ZNF407: variants seen among roughly 807,000 people sequenced by gnomAD.
ZNF407 encodes the protein zinc finger protein 407.
In ZNF407, 17 loss-of-function variants were observed where a neutral mutation model predicts 131.2. The ratio of observed to expected loss-of-function variants is 0.13; its 90% CI spans 0.09 to 0.19. The LOEUF (loss-of-function observed/expected upper bound fraction) is 0.19, where lower values mean the gene tolerates loss of function less well. ZNF407 is among the 10% of genes least tolerant of loss of function. The probability of loss-of-function intolerance (pLI) is 1.00; values close to 1 mark genes in which losing one functional copy is unlikely to be tolerated. For synonymous variants in ZNF407, 1,156 were observed against 1,062.0 expected, an observed-to-expected ratio of 1.09 and a Z score of -1.72; for missense variants, 2,681 against 2,830.6, an observed-to-expected ratio of 0.95 and a Z score of 1.20.
chr18:74,691,967 A>T (rs1967233888), intron 3 of ZNF407, among the ~76,000 whole-genome samples: 2 of 151,962 alleles, frequency 1.3e-5, no homozygotes, highest in African/African-American at 2.4e-5. Context: ...GGTGGTGCAT[A>T]CCTGCTGTCC....
At chr18:74,822,320 T>G (rs1003487886) in intron 4 of ZNF407, among the ~76,000 whole-genome samples, 1 of 152,226 alleles carries the variant, frequency 6.6e-6, no homozygotes, top group Non-Finnish European at 1.5e-5. Context: ...TTTTGGTGTT[T>G]TAGACATAAG....
At chr18:74,905,069 C>T (rs569860202) in intron 7 of ZNF407, among the ~76,000 whole-genome samples, 1 of 152,144 alleles carries the variant, frequency 6.6e-6, no homozygotes, top group African/African-American at 2.4e-5. Context: ...TGTTACTGCT[C>T]TTAACATACA....
chr18:75,062,924 C>T (rs922145796), intron 8 of ZNF407: 2 of 446,068 alleles, frequency 4.5e-6, no homozygotes, highest in African/African-American at 2.0e-5. Flanking sequence ...TGGGGAAATG[C>T]ACACCCAGTA....
At chr18:75,036,473 G>T (rs913828760) in intron 8 of ZNF407, among the ~76,000 whole-genome samples, 5 of 152,210 alleles carry the variant, frequency 3.3e-5, no homozygotes, top group African/African-American at 1.2e-4. Flanking sequence ...CACCCAAGAT[G>T]AGGAAAATGA....
chr18:74,839,673 G>A (rs892988946), intron 4 of ZNF407, among the ~76,000 whole-genome samples: 1 of 152,150 alleles, frequency 6.6e-6, no homozygotes, highest in Non-Finnish European at 1.5e-5. Flanking sequence ...AGAATCCATT[G>A]AAAATGCATT....
At chr18:75,005,700 C>A (rs1266510656) in intron 8 of ZNF407, among the ~76,000 whole-genome samples, 2 of 80,286 alleles carry the variant, frequency 2.5e-5, no homozygotes, top group African/African-American at 5.3e-5. Flanking sequence ...ATCCCCGCCA[C>A]CCCCCCCACC....
In ZNF407 at chr18:74,807,443, G is replaced by A. The variant is rs1354809908; in HGVS notation, c.4877+25941G>A. 2.0e-5 allele frequency among the ~76,000 whole-genome samples: 3 copies of A among 152,256 alleles called. No homozygotes were observed. The East Asian group carries it at 5.8e-4, about 29-fold the overall frequency. Reference sequence around the variant, plus strand: ...GGGAAGGTTTTCACAGGGCAAGCAAGACTTTGAACAGTCACACTAGTTATG... The same window carrying A: ...GGGAAGGTTTTCACAGGGCAAGCAAAACTTTGAACAGTCACACTAGTTATG... On this transcript the variant is annotated intron_variant, in intron 4 of 8. Coordinates refer to ENST00000299687, the MANE Select transcript of ZNF407 (RefSeq NM_017757.3).
chr18:74,712,484 C>G (rs1967789799), intron 3 of ZNF407, among the ~76,000 whole-genome samples: 2 of 152,202 alleles, frequency 1.3e-5, no homozygotes, highest in African/African-American at 4.8e-5. Flanking sequence ...AGTCCTTTTC[C>G]CAGTAGTCAT....
chr18:74,698,976 T>C (rs1469519648), intron 3 of ZNF407, among the ~76,000 whole-genome samples: 2 of 152,190 alleles, frequency 1.3e-5, no homozygotes, highest in East Asian at 3.9e-4. Flanking sequence ...TTGTTGTTTT[T>C]GGTAGTGTGC....
chr18:74,924,752 G>A (rs1416601977), intron 8 of ZNF407, among the ~76,000 whole-genome samples: 1 of 152,024 alleles, frequency 6.6e-6, no homozygotes. Flanking sequence ...CAGACGGGGA[G>A]GGCTGAGGAG....
chr18:74,637,877 G>A (rs751692811), intron 2 of ZNF407, among the ~76,000 whole-genome samples: 11 of 152,146 alleles, frequency 7.2e-5, no homozygotes, highest in Non-Finnish European at 1.6e-4. Flanking sequence ...AAATAAATGA[G>A]TTTTGGTTAT....
chr18:74,778,822 G>A (rs1028048606), intron 3 of ZNF407, among the ~76,000 whole-genome samples: 7 of 151,996 alleles, frequency 4.6e-5, no homozygotes, highest in Non-Finnish European at 8.8e-5. Context: ...ATCAGTAAAC[G>A]TGATGAGACA....
chr18:74,817,054 A>C (rs1354101856), intron 4 of ZNF407, among the ~76,000 whole-genome samples: 1 of 152,190 alleles, frequency 6.6e-6, no homozygotes, highest in Non-Finnish European at 1.5e-5. Flanking sequence ...ATGTTCAGAA[A>C]TTTCAGCAAA....
At chr18:74,781,357 A>G (rs1239271097) in intron 3 of ZNF407, 71 bp from the exon 4 acceptor site, 1 of 1,082,104 alleles carries the variant, frequency 9.2e-7, no homozygotes, top group Non-Finnish European at 1.3e-6. Flanking sequence ...ATTATTCTTA[A>G]GTTCTCTTTG....
intron 8 of ZNF407, among the ~76,000 whole-genome samples, chr18:75,040,590 C>T (rs912726158): frequency 6.6e-5 from 10 of 152,132 alleles, no homozygotes; most frequent in Non-Finnish European, 1.2e-4. Flanking sequence ...ATAATCAAAC[C>T]ATTAGGCATT....
At chr18:74,831,553 A>G (rs958581847) in intron 4 of ZNF407, among the ~76,000 whole-genome samples, 1 of 152,308 alleles carries the variant, frequency 6.6e-6, no homozygotes, top group South Asian at 2.1e-4. Context: ...ACATAGCATA[A>G]TATCCTCAAG....
At chr18:74,975,244 G>A (rs1416728127) in intron 8 of ZNF407, among the ~76,000 whole-genome samples, 2 of 152,218 alleles carry the variant, frequency 1.3e-5, no homozygotes, top group Non-Finnish European at 2.9e-5. Flanking sequence ...TTATAGCTCA[G>A]CATTGGCTTG....
At chr18:74,816,320 A>G (rs916164636) in intron 4 of ZNF407, among the ~76,000 whole-genome samples, 9 of 152,186 alleles carry the variant, frequency 5.9e-5, no homozygotes, top group South Asian at 2.1e-4. Flanking sequence ...TTAAGATTTC[A>G]TTAATTAACA....
chr18:74,787,268 A>T (rs565249276), intron 4 of ZNF407, among the ~76,000 whole-genome samples: 10 of 152,314 alleles, frequency 6.6e-5, no homozygotes, highest in African/African-American at 2.4e-4. Context: ...ACTAAGGCAC[A>T]TGTGGAGATA....
Sources: gnomAD v4.1 joint callset for allele counts (sites outside exome capture counted in the v4.1 genomes callset) on GRCh38, gnomAD v4.1.1 for gene constraint, MANE v1.5 for transcripts, NCBI Gene and HGNC (gene_info 2026-07-23, HGNC 2026-07-21) for gene names.